Variants in LYPD6B observed in about 807,000 individuals in gnomAD.
LYPD6B encodes the protein ly6/PLAUR domain-containing protein 6B.
In LYPD6B, 17 loss-of-function variants were observed where a neutral mutation model predicts 22.8. The observed-to-expected ratio is 0.75, with a 90% confidence interval of 0.51 to 1.12. LYPD6B has a LOEUF of 1.12. LYPD6B is among the 50% of genes most tolerant of loss of function. LYPD6B has a pLI of 0.00. For missense variants in LYPD6B, 221 were observed against 258.3 expected (o/e 0.86, Z 0.99); for synonymous variants, 106 against 91.6 (o/e 1.16, Z -0.90).
rs148771214 is a variant in LYPD6B, at chr2:149,166,140, G to C, written c.77+5305G>C. Among the ~76,000 whole-genome samples, 748 of 152,074 alleles carry C rather than the reference G, an allele frequency of 4.9e-3. 7 individuals are homozygous for C. The highest frequency in any genetic ancestry group is 0.017 in the African/African-American group (690 of 41,494). ...CTTTCAGGTAGCCTCTTATTTTTTG[G>C]TTTCAAGTAATCAGAAAGACTTAGC... On this transcript the variant is annotated intron_variant, in intron 3 of 6. Transcript: ENST00000409642.
At chr2:149,130,680 A>T (rs1021176635) in intron 1 of LYPD6B, among the ~76,000 whole-genome samples, 1 of 152,144 alleles carries the variant, frequency 6.6e-6, no homozygotes, top group Non-Finnish European at 1.5e-5. Context: ...TGTCCTGCCA[A>T]ATCTTTCTAC....
chr2:149,084,675 T>TA (rs1355200198), intron 1 of LYPD6B, among the ~76,000 whole-genome samples: 1 of 152,192 alleles, frequency 6.6e-6, no homozygotes. Context: ...AATATATTTT[T>TA]AAAAAACATG....
chr2:149,080,841 CAAAAAAAAAAAA>C (rs35803068), intron 1 of LYPD6B, among the ~76,000 whole-genome samples: 2 of 46,226 alleles, frequency 4.3e-5, no homozygotes, highest in Admixed American at 3.0e-4. Context: ...GACTCTATCT[CAAAAAAAAAAAA>C]AAAAAAAAAA....
At chr2:149,073,068 T>A (rs1684695926) in intron 1 of LYPD6B, among the ~76,000 whole-genome samples, 1 of 152,170 alleles carries the variant, frequency 6.6e-6, no homozygotes. Context: ...AGAGGTGATG[T>A]CTTCATGGGT....
At chr2:149,176,409 A>T (rs773305205) in intron 3 of LYPD6B, among the ~76,000 whole-genome samples, 6 of 152,244 alleles carry the variant, frequency 3.9e-5, no homozygotes, top group Non-Finnish European at 8.8e-5. Flanking sequence ...CCACCTGGTG[A>T]GCTCAGGACA....
At chr2:149,160,418 G>C in intron 2 of LYPD6B, 1 of 468,998 alleles carries the variant, frequency 2.1e-6, no homozygotes, top group Non-Finnish European at 4.3e-6. Context: ...ATATATGCCA[G>C]TGTTGTAGAG....
At chr2:149,165,816 C>T (rs1034881977) in intron 3 of LYPD6B, among the ~76,000 whole-genome samples, 1 of 152,180 alleles carries the variant, frequency 6.6e-6, no homozygotes, top group African/African-American at 2.4e-5. Context: ...ATCTTTCTGA[C>T]TCCTAGCAGA....
chr2:149,205,426 C>A, intron 4 of LYPD6B, 22 bp downstream of exon 4: 1 of 1,611,670 alleles, frequency 6.2e-7, no homozygotes, highest in South Asian at 1.1e-5. Flanking sequence ...TGGTTGCCAT[C>A]CTAGTTCATG....
chr2:149,064,835 C>A (rs906454811), intron 1 of LYPD6B, among the ~76,000 whole-genome samples: 2 of 152,164 alleles, frequency 1.3e-5, no homozygotes, highest in Admixed American at 6.5e-5. Flanking sequence ...CTGCCTGGAA[C>A]GTGGAGGCCT....
intron 1 of LYPD6B, among the ~76,000 whole-genome samples, chr2:149,127,608 T>A (rs1269759620): frequency 6.6e-6 from 1 of 152,234 alleles, no homozygotes; most frequent in Admixed American, 6.5e-5. Context: ...TGTATATATG[T>A]ATGCATGTGT....
intron 1 of LYPD6B, among the ~76,000 whole-genome samples, chr2:149,075,025 T>C (rs1490603076): frequency 2.0e-5 from 3 of 152,232 alleles, no homozygotes; most frequent in African/African-American, 7.2e-5. Context: ...GAAAACAAAA[T>C]GCCTTTTCTC....
intron 1 of LYPD6B, among the ~76,000 whole-genome samples, chr2:149,088,975 T>TA (rs1233321352): frequency 6.6e-6 from 1 of 152,150 alleles, no homozygotes; most frequent in African/African-American, 2.4e-5. Flanking sequence ...AGCTACCACA[T>TA]ACTTCCTTTT....
At chr2:149,199,777 A>G (rs1041439729) in intron 3 of LYPD6B, among the ~76,000 whole-genome samples, 8 of 152,170 alleles carry the variant, frequency 5.3e-5, no homozygotes, top group Admixed American at 3.3e-4. Flanking sequence ...TAGAGAACCT[A>G]TTGGCAAAGA....
chr2:149,205,662 C>T (rs1693465578), intron 4 of LYPD6B, among the ~76,000 whole-genome samples: 1 of 152,144 alleles, frequency 6.6e-6, no homozygotes, highest in Non-Finnish European at 1.5e-5. Context: ...AGCACTGTTC[C>T]TAATCATGGC....
chr2:149,068,692 G>A, intron 1 of LYPD6B: 1 of 550,864 alleles, frequency 1.8e-6, no homozygotes, highest in Non-Finnish European at 3.6e-6. Flanking sequence ...AGGTTGGCAT[G>A]CATTTGACTT....
At chr2:149,159,972 T>A (rs1377607790) in intron 2 of LYPD6B, among the ~76,000 whole-genome samples, 1 of 152,148 alleles carries the variant, frequency 6.6e-6, no homozygotes, top group Non-Finnish European at 1.5e-5. Flanking sequence ...CACCATAGCC[T>A]AGCCAAGTTG....
rs112172931 is a variant in LYPD6B, at chr2:149,114,911, T to G, written c.-66-15972T>G. 3.2e-3 allele frequency among the ~76,000 whole-genome samples: 495 copies of G among 152,324 alleles called. 2 individuals are homozygous for G. The highest frequency in any genetic ancestry group is 0.011 in the African/African-American group (445 of 41,578). ...CTTGTGGAAAGAAAGCTCATAAAGC[T>G]GGAAGGCAATCCTCACTATAGTGAT... is the stretch of plus-strand genomic sequence containing the variant. On this transcript the variant is annotated intron_variant, in intron 1 of 6. Coordinates refer to ENST00000409642, the MANE Select transcript of LYPD6B (RefSeq NM_177964.5).
chr2:149,086,039 C>T (rs149530259), intron 1 of LYPD6B, among the ~76,000 whole-genome samples: 105 of 152,242 alleles, frequency 6.9e-4, no homozygotes, highest in Middle Eastern at 3.4e-3. Context: ...CATTGCCAGG[C>T]GGAAGGCTCA....
chr2:149,187,454 G>A, intron 3 of LYPD6B: 1 of 1,529,652 alleles, frequency 6.5e-7, no homozygotes, highest in South Asian at 1.2e-5. Context: ...AGAAGAAGAT[G>A]AGAATCACAG....
Sources: gnomAD v4.1 joint callset for allele counts (sites outside exome capture counted in the v4.1 genomes callset) on GRCh38, gnomAD v4.1.1 for gene constraint, MANE v1.5 for transcripts, NCBI Gene and HGNC (gene_info 2026-07-23, HGNC 2026-07-21) for gene names.